MEI4: variants seen among roughly 807,000 people sequenced by gnomAD.
MEI4 encodes meiosis-specific protein MEI4.
In MEI4, 27 loss-of-function variants were observed where a neutral mutation model predicts 31.4. That is an observed-to-expected ratio of 0.86 (90% confidence interval 0.63 to 1.19). The LOEUF is 1.19. Ranked by LOEUF, MEI4 falls within the 50% of genes most tolerant of loss-of-function variation. The probability of loss-of-function intolerance (pLI) is 0.00; values close to 1 mark genes in which losing one functional copy is unlikely to be tolerated. For missense variants in MEI4, 329 were observed against 398.9 expected (o/e 0.82, Z 1.49); for synonymous variants, 122 against 145.4 (o/e 0.84, Z 1.16).
intron 4 of MEI4, among the ~76,000 whole-genome samples, chr6:77,883,833 G>A (rs540801701): frequency 6.7e-6 from 1 of 148,842 alleles, no homozygotes. Context: ...GTGAACAGTG[G>A]GGGTGCATGT....
chr6:77,751,318 C>T (rs1458141746), intron 2 of MEI4, among the ~76,000 whole-genome samples: 1 of 151,500 alleles, frequency 6.6e-6, no homozygotes, highest in Non-Finnish European at 1.5e-5. Context: ...CTTGAAAAAA[C>T]TTGGTGAATC....
At chr6:77,798,788 C>G (rs1461328750) in intron 3 of MEI4, among the ~76,000 whole-genome samples, 1 of 151,696 alleles carries the variant, frequency 6.6e-6, no homozygotes, top group Non-Finnish European at 1.5e-5. Flanking sequence ...TGATGACTTC[C>G]AATTTCATCC....
At chr6:77,771,389 A>G (rs1373122620) in intron 3 of MEI4, among the ~76,000 whole-genome samples, 3 of 148,290 alleles carry the variant, frequency 2.0e-5, no homozygotes, top group Non-Finnish European at 4.5e-5. Context: ...GTGATTTTCT[A>G]AAGAACTAAA....
At chr6:77,784,498 C>T (rs1003322683) in intron 3 of MEI4, among the ~76,000 whole-genome samples, 4 of 152,104 alleles carry the variant, frequency 2.6e-5, no homozygotes, top group African/African-American at 9.7e-5. Flanking sequence ...ATTAATGTAT[C>T]TCTTTGATGC....
At chr6:77,916,598 A>T (rs1032295670) in intron 4 of MEI4, among the ~76,000 whole-genome samples, 1 of 152,006 alleles carries the variant, frequency 6.6e-6, no homozygotes, top group Non-Finnish European at 1.5e-5. Flanking sequence ...TTTACATAGT[A>T]TTCCAAATCT....
chr6:77,720,564 G>A lies in MEI4; in HGVS notation c.232+29661G>A, dbSNP rs145505774. Among the ~76,000 whole-genome samples the A allele has an allele frequency of 7.8e-4, 110 of 141,928 alleles. 11 individuals are homozygous for A. In the East Asian group the frequency reaches 0.019, roughly 25 times the overall value. The allele number at this position is 141,928 out of a possible 152,430, so 93.1% of individuals were successfully genotyped here. ...TAATCTTCCAAATGAAGGTACATGC[G>A]TGACACAGACCTCTGGGATTAACTC... On this transcript the variant is annotated intron_variant, in intron 2 of 4. Transcript: ENST00000684080.
At chr6:77,741,329 G>T (rs138886504) in intron 2 of MEI4, among the ~76,000 whole-genome samples, 13 of 152,270 alleles carry the variant, frequency 8.5e-5, no homozygotes, top group Middle Eastern at 3.4e-3. Context: ...GCCTGTGGGA[G>T]ATTTTAAGGA....
At chr6:77,907,139 C>A (rs1383485101) in intron 4 of MEI4, among the ~76,000 whole-genome samples, 1 of 151,604 alleles carries the variant, frequency 6.6e-6, no homozygotes, top group African/African-American at 2.4e-5. Flanking sequence ...AATTACTAGC[C>A]ATTTTTTTTA....
At position 77,752,113 on chromosome 6, in the gene MEI4, G is replaced by A. The variant is rs866125006; in HGVS notation, c.233-9017G>A. ...TCAGTAAACTAGGTATTGATGGAAC[G>A]TATCTCAAAATAATAAGAGCTATTT... On this transcript the variant is annotated intron_variant, in intron 2 of 4. Coordinates refer to ENST00000684080, the MANE Select transcript of MEI4 (RefSeq NM_001322247.2). Among the ~76,000 whole-genome samples the A allele has an allele frequency of 3.3e-5, 5 of 152,144 alleles. No individual in the cohort carries two copies. The Middle Eastern group carries it at 0.01, about 310-fold the overall frequency.
chr6:77,786,554 C>T (rs1768740867), intron 3 of MEI4, among the ~76,000 whole-genome samples: 1 of 151,726 alleles, frequency 6.6e-6, no homozygotes, highest in Non-Finnish European at 1.5e-5. Flanking sequence ...ACAGGAGGTG[C>T]TAGGAAATGT....
chr6:77,833,618 ATTTAT>A (rs1260642821), intron 4 of MEI4, among the ~76,000 whole-genome samples: 2 of 152,042 alleles, frequency 1.3e-5, no homozygotes, highest in East Asian at 1.9e-4. Context: ...ATTTTTTTGT[ATTTAT>A]TTTATTTGAT....
chr6:77,727,030 C>G (rs966707795), intron 2 of MEI4, among the ~76,000 whole-genome samples: 1 of 152,116 alleles, frequency 6.6e-6, no homozygotes, highest in African/African-American at 2.4e-5. Flanking sequence ...GTTTAATAAG[C>G]CAACAATTAC....
intron 3 of MEI4, among the ~76,000 whole-genome samples, chr6:77,772,966 T>C (rs887602032): frequency 7.0e-6 from 1 of 143,404 alleles, no homozygotes; most frequent in Non-Finnish European, 1.5e-5. Context: ...ACAAATATAA[T>C]AAAAGACCTA....
chr6:77,685,195 G>A (rs1469757444), intron 1 of MEI4, among the ~76,000 whole-genome samples: 3 of 151,836 alleles, frequency 2.0e-5, no homozygotes, highest in Admixed American at 6.6e-5. Context: ...GTTTTCATTG[G>A]GTTATTATAT....
At chr6:77,876,536 C>G (rs543257382) in intron 4 of MEI4, among the ~76,000 whole-genome samples, 91 of 152,254 alleles carry the variant, frequency 6.0e-4, no homozygotes, top group African/African-American at 2.1e-3. Flanking sequence ...ATAAATTACT[C>G]AGTCTGTGGT....
intron 4 of MEI4, among the ~76,000 whole-genome samples, chr6:77,837,855 A>T (rs1770258998): frequency 6.6e-6 from 1 of 152,182 alleles, no homozygotes; most frequent in African/African-American, 2.4e-5. Context: ...GATTTTTTAA[A>T]AGGTGCTTAT....
At chr6:77,899,166 A>C (rs952996192) in intron 4 of MEI4, among the ~76,000 whole-genome samples, 2 of 152,082 alleles carry the variant, frequency 1.3e-5, no homozygotes, top group South Asian at 4.1e-4. Context: ...ATATTTTGCC[A>C]GTCATTAATG....
In MEI4 at chr6:77,808,034, G is replaced by A. The variant is rs189178400; in HGVS notation, c.769-20897G>A. Reference sequence around the variant, plus strand: ...TCAGAAAGTTTGAAAGCAGTGCAGCGGACACCTTATACATAGAGTAAACCT... The same window carrying A: ...TCAGAAAGTTTGAAAGCAGTGCAGCAGACACCTTATACATAGAGTAAACCT... On this transcript the variant is annotated intron_variant, in intron 3 of 4. Transcript: ENST00000684080. Among the ~76,000 whole-genome samples the A allele has an allele frequency of 4.4e-3, 662 of 152,180 alleles. 2 individuals are homozygous for A. Among genetic ancestry groups the A allele is most frequent in the Non-Finnish European group, 7.1e-3 (484 of 68,004 alleles).
chr6:77,910,442 C>A (rs545053120), intron 4 of MEI4, among the ~76,000 whole-genome samples: 1 of 152,136 alleles, frequency 6.6e-6, no homozygotes, highest in South Asian at 2.1e-4. Flanking sequence ...CATGAGTGAA[C>A]TCTCATTCAC....
Sources: allele counts gnomAD v4.1 joint callset (sites outside exome capture counted in the v4.1 genomes callset), GRCh38; gene constraint gnomAD v4.1.1; transcripts MANE v1.5; gene names NCBI Gene and HGNC (gene_info 2026-07-23, HGNC 2026-07-21).